FAR1: variants seen among roughly 807,000 people sequenced by gnomAD.
FAR1 encodes the protein male sterility domain-containing protein 2.
In FAR1, 22 loss-of-function variants were observed where a neutral mutation model predicts 61.1. The observed-to-expected ratio is 0.36, with a 90% CI of 0.26 to 0.51. FAR1 has a LOEUF of 0.51. Ranked by LOEUF, FAR1 falls within the 20% of genes least tolerant of loss-of-function variation. The pLI is 0.95. For synonymous variants in FAR1, 206 were observed against 209.7 expected (o/e 0.98, Z 0.15); for missense variants, 359 against 626.9 (o/e 0.57, Z 4.56).
chr11:13,680,871 G>A (rs2134170224), intron 1 of FAR1, among the ~76,000 whole-genome samples: 1 of 152,302 alleles, frequency 6.6e-6, no homozygotes, highest in East Asian at 1.9e-4. Flanking sequence ...AACATTAAGT[G>A]ATGATTGCAG....
At chr11:13,692,072 C>T (rs1848256470) in intron 1 of FAR1, among the ~76,000 whole-genome samples, 1 of 152,122 alleles carries the variant, frequency 6.6e-6, no homozygotes, top group East Asian at 1.9e-4. Context: ...AAGGCTGAGG[C>T]AGGAGACTCA....
chr11:13,685,451 G>T lies in FAR1; in HGVS notation c.-7-9308G>T, dbSNP rs1848175638. On this transcript the variant is annotated intron_variant, in intron 1 of 11. Transcript: ENST00000354817. ...TTCAGCTTGATATGGTAACATGGTT[G>T]TGATCTTGACATAGCATAAGTATGT... The T allele has an allele frequency of 2.8e-5, 6 of 213,972 alleles. No homozygotes were observed. The South Asian group carries it at 4.0e-4, about 14-fold the overall frequency. 13.3% of individuals were successfully genotyped at this position (213,972 alleles called of 1,614,324 possible).
At chr11:13,719,974 GGTAT>G (rs1322365327) in intron 9 of FAR1, 1 of 152,140 alleles carries the variant, frequency 6.6e-6, no homozygotes, top group Non-Finnish European at 1.5e-5. Flanking sequence ...TCTGTTCTAA[GGTAT>G]GTTTAACCAA....
At chr11:13,685,680 A>G (rs900172885) in intron 1 of FAR1, 1 of 167,612 alleles carries the variant, frequency 6.0e-6, no homozygotes, top group Non-Finnish European at 1.3e-5. Flanking sequence ...TCGAGCACAC[A>G]CAATGATGGT....
chr11:13,692,578 T>C (rs1848262267), intron 1 of FAR1, among the ~76,000 whole-genome samples: 2 of 152,228 alleles, frequency 1.3e-5, no homozygotes, highest in South Asian at 4.1e-4. Context: ...TCTATACTGT[T>C]TTAAGTGGTA....
chr11:13,730,722 G>A lies in FAR1; in HGVS notation c.*1948G>A, dbSNP rs1260789515. On this transcript the variant is annotated 3_prime_UTR_variant, in exon 12 of 12. Transcript: ENST00000354817. Reference sequence around the variant, plus strand: ...TGGGCAGGCCTATGAAGTGCATAGGGAGTGTATGTCTTCTGAATGGTTTTA... The same window carrying A: ...TGGGCAGGCCTATGAAGTGCATAGGAAGTGTATGTCTTCTGAATGGTTTTA... 1 of 152,090 alleles carries A rather than the reference G, an allele frequency of 6.6e-6. No individual in the cohort carries two copies. The highest frequency in any genetic ancestry group is 2.4e-5 in the African/African-American group (1 of 41,438). 9.4% of individuals were successfully genotyped at this position (152,090 alleles called of 1,614,324 possible).
chr11:13,721,666 G>C lies in FAR1; in HGVS notation c.1128-64G>C, dbSNP rs1848610898. ...TTATAGGGGGAAACTTGCACCCTGG[G>C]TGGTGATAGGATTTTTCCTAATCTA... is the stretch of plus-strand genomic sequence containing the variant. On this transcript the variant is annotated intron_variant, in intron 9 of 11. Coordinates refer to ENST00000354817, the MANE Select transcript of FAR1 (RefSeq NM_032228.6). This position sits in a 1 kb window ranked among gnomAD's most constrained non-coding sequence, Gnocchi z 4.2. 1 of 1,412,868 alleles carries C rather than the reference G, an allele frequency of 7.1e-7. No individual in the cohort carries two copies. The highest frequency in any genetic ancestry group is 1.4e-5 in the African/African-American group (1 of 69,440). 87.5% of individuals were successfully genotyped at this position (1,412,868 alleles called of 1,614,324 possible). A position where few individuals can be genotyped will look rare whatever the true frequency, so the allele number is the denominator to read the frequency against.
intron 1 of FAR1, among the ~76,000 whole-genome samples, chr11:13,692,097 G>T (rs745491255): frequency 6.6e-6 from 1 of 152,158 alleles, no homozygotes; most frequent in African/African-American, 2.4e-5. Flanking sequence ...AACCCAGGAG[G>T]TAAAGGATGC....
chr11:13,729,720 A>G lies in FAR1; in HGVS notation c.*946A>G, dbSNP rs1399816605. The G allele has an allele frequency of 1.3e-5, 2 of 152,032 alleles. No homozygotes were observed. The highest frequency in any genetic ancestry group is 2.9e-5 in the Non-Finnish European group (2 of 67,902). The allele number at this position is 152,032 out of a possible 1,614,324, so 9.4% of individuals were successfully genotyped here. Reference sequence around the variant, plus strand: ...AAAGGCTTGTGCTATCTTTCCAGTGAAAACTGAAAGTGCATTATTATGGAA... The same window carrying G: ...AAAGGCTTGTGCTATCTTTCCAGTGGAAACTGAAAGTGCATTATTATGGAA... On this transcript the variant is annotated 3_prime_UTR_variant, in exon 12 of 12. Transcript: ENST00000354817.
intron 2 of FAR1, 42 bp from the exon 3 acceptor site, chr11:13,700,275 G>GA: frequency 6.8e-7 from 1 of 1,464,422 alleles, no homozygotes; most frequent in East Asian, 2.4e-5. Flanking sequence ...TTAGAAAGTG[G>GA]AAAAATACTG....
intron 1 of FAR1, among the ~76,000 whole-genome samples, chr11:13,688,214 G>T (rs1239667398): frequency 6.6e-6 from 1 of 151,134 alleles, no homozygotes; most frequent in Non-Finnish European, 1.5e-5. Context: ...TGAAGTTTTT[G>T]GTGGCATTAT....
rs138279489 is a variant in FAR1 at position 13,708,911 on chromosome 11, G to T, written c.545+832G>T. 2.2e-4 allele frequency among the ~76,000 whole-genome samples: 34 copies of T among 152,270 alleles called. 1 individual carries two copies. In the East Asian group the frequency reaches 6.2e-3, roughly 28 times the overall value. ...TGAAAATTATTTGTGAGTATTGATA[G>T]ATAGGGATTAAATGAGGGAGTATAT... On this transcript the variant is annotated intron_variant, in intron 4 of 11. Coordinates refer to ENST00000354817, the MANE Select transcript of FAR1 (RefSeq NM_032228.6).
intron 3 of FAR1, among the ~76,000 whole-genome samples, chr11:13,701,924 T>C (rs1191324760): frequency 3.9e-5 from 6 of 152,162 alleles, no homozygotes; most frequent in African/African-American, 1.4e-4. Flanking sequence ...ATTCATTTAC[T>C]GGTGAGTTTG....
Position 13,731,187 on chromosome 11 carries a change from ATATT to A in FAR1, c.*2417_*2420del, listed in dbSNP as rs1428971947. The A allele has an allele frequency of 6.6e-6, 1 of 152,608 alleles. No homozygotes were observed. The highest frequency in any genetic ancestry group is 2.4e-5 in the African/African-American group (1 of 41,450). 9.5% of individuals were successfully genotyped at this position (152,608 alleles called of 1,614,324 possible). The stretch of plus-strand genomic sequence containing the variant: ...TGTAAATTGTGATGTCATTGAGACT[ATATT>A]TATATTTGACTTGGCAACATTAACA... On this transcript the variant is annotated 3_prime_UTR_variant, in exon 12 of 12. Transcript: ENST00000354817.
At chr11:13,695,561 A>G (rs569935754) in intron 2 of FAR1, among the ~76,000 whole-genome samples, 1 of 152,236 alleles carries the variant, frequency 6.6e-6, no homozygotes, top group Non-Finnish European at 1.5e-5. Flanking sequence ...GACATTTACT[A>G]ATAAATAGTA....
chr11:13,708,466 CACACACACACAT>C (rs992992034), intron 4 of FAR1, among the ~76,000 whole-genome samples: 9 of 148,386 alleles, frequency 6.1e-5, no homozygotes, highest in South Asian at 4.3e-4. Flanking sequence ...CACACACACA[CACACACACACAT>C]ACATTTATCT....
intron 1 of FAR1, among the ~76,000 whole-genome samples, chr11:13,693,194 TA>T (rs1178537866): frequency 3.3e-5 from 5 of 152,052 alleles, no homozygotes; most frequent in Middle Eastern, 3.2e-3. Flanking sequence ...CTAATGAGCT[TA>T]AAAAAAATCA....
chr11:13,693,978 T>C (rs537290333), intron 1 of FAR1, among the ~76,000 whole-genome samples: 1 of 152,310 alleles, frequency 6.6e-6, no homozygotes, highest in African/African-American at 2.4e-5. Context: ...CTCCCTCTCA[T>C]GCATCTATTA....
At chr11:13,674,601 C>T (rs1316269406) in intron 1 of FAR1, among the ~76,000 whole-genome samples, 1 of 152,178 alleles carries the variant, frequency 6.6e-6, no homozygotes, top group Admixed American at 6.5e-5. Flanking sequence ...AATCTTCCTT[C>T]TTTCCCTTCT....
Sources: allele counts gnomAD v4.1 joint callset (sites outside exome capture counted in the v4.1 genomes callset), GRCh38; gene constraint gnomAD v4.1.1; non-coding constraint Gnocchi (gnomAD v3.1); transcripts MANE v1.5; gene names NCBI Gene and HGNC (gene_info 2026-07-23, HGNC 2026-07-21).